The following PINX1 variants were observed in gnomAD, a reference collection of about 807,000 sequenced individuals.
The protein encoded by PINX1 is PIN2 (TERF1) interacting telomerase inhibitor 1.
PINX1 carries 34 observed loss-of-function variants against 25.4 expected under a neutral mutation model. The ratio of observed to expected loss-of-function variants is 1.34; its 90% CI spans 1.02 to 1.78. The LOEUF is 1.78. Among genes scored for constraint, PINX1 ranks in the 40% most tolerant of loss-of-function variants. The pLI is 0.00. For missense variants in PINX1, 592 were observed against 404.9 expected, an observed-to-expected ratio of 1.46 and a Z score of -3.97; for synonymous variants, 197 against 147.7, an observed-to-expected ratio of 1.33 and a Z score of -2.42.
chr8:10,786,850 C>G (rs77835859), intron 6 of PINX1, among the ~76,000 whole-genome samples: 352 of 152,330 alleles, frequency 2.3e-3, no homozygotes, highest in African/African-American at 8.1e-3. Context: ...GCGCCTCTCC[C>G]CAGACAGCCC....
intron 5 of PINX1, among the ~76,000 whole-genome samples, chr8:10,825,945 C>A (rs1267730026): frequency 6.6e-6 from 1 of 152,262 alleles, no homozygotes; most frequent in Non-Finnish European, 1.5e-5. Context: ...TAATCTGGGT[C>A]CCATCTCAGA....
At position 10,834,887 on chromosome 8, in the gene PINX1, ATACAT is replaced by A. The variant is rs1798353533; in HGVS notation, c.20-117_20-113del. 6.0e-6 allele frequency: 4 copies of A among 661,306 alleles called. No individual in the cohort carries two copies. In the East Asian group the frequency reaches 1.1e-4, roughly 18 times the overall value. 41.0% of individuals were successfully genotyped at this position (661,306 alleles called of 1,614,324 possible). On this transcript the variant is annotated intron_variant, in intron 1 of 6. Coordinates refer to ENST00000314787, the MANE Select transcript of PINX1 (RefSeq NM_017884.6). ...TTTATGTATGTATGTAAAATATGAC[ATACAT>A]TACAATACAGAAATTAATTCAACAC...
intron 1 of PINX1, among the ~76,000 whole-genome samples, chr8:10,838,232 C>T (rs1040403229): frequency 6.6e-6 from 1 of 152,194 alleles, no homozygotes; most frequent in African/African-American, 2.4e-5. Context: ...TTCTTAACAA[C>T]ACCAATCCTA....
intron 6 of PINX1, among the ~76,000 whole-genome samples, chr8:10,768,232 G>C (rs13279753): frequency 2.6e-5 from 4 of 152,178 alleles, no homozygotes; most frequent in Non-Finnish European, 4.4e-5. Flanking sequence ...CACTACAGGA[G>C]CCTGCAGTCT....
chr8:10,835,675 G>A (rs562150672), intron 1 of PINX1, among the ~76,000 whole-genome samples: 133 of 152,144 alleles, frequency 8.7e-4, no homozygotes, highest in Non-Finnish European at 1.3e-3. Flanking sequence ...TCTTTTTTCT[G>A]AGGCTTCATT....
chr8:10,835,334 C>G (rs1798371223), intron 1 of PINX1, among the ~76,000 whole-genome samples: 1 of 152,166 alleles, frequency 6.6e-6, no homozygotes, highest in African/African-American at 2.4e-5. Context: ...AAATCTGAGG[C>G]TTAGAGAAAG....
chr8:10,799,431 T>A (rs1802195313), intron 6 of PINX1, among the ~76,000 whole-genome samples: 1 of 152,204 alleles, frequency 6.6e-6, no homozygotes, highest in African/African-American at 2.4e-5. Context: ...TGCTCCTGTT[T>A]CCATCCTTCT....
At chr8:10,816,914 G>A (rs1041668982) in intron 6 of PINX1, among the ~76,000 whole-genome samples, 2 of 152,194 alleles carry the variant, frequency 1.3e-5, no homozygotes, top group African/African-American at 2.4e-5. Flanking sequence ...TGCTACAGAG[G>A]AGATACTGAT....
chr8:10,837,972 T>TA (rs1244267153), intron 1 of PINX1, among the ~76,000 whole-genome samples: 1 of 152,184 alleles, frequency 6.6e-6, no homozygotes, highest in Non-Finnish European at 1.5e-5. Flanking sequence ...TTATAACATA[T>TA]AAGTGAGCCT....
Position 10,810,778 on chromosome 8 carries a change from A to G in PINX1, c.471+9415T>C, listed in dbSNP as rs149697386. On this transcript the variant is annotated intron_variant, in intron 6 of 6. Coordinates refer to ENST00000314787, the MANE Select transcript of PINX1 (RefSeq NM_017884.6). ...TTAGAAGGTCACTGCCTTAGTCATT[A>G]CTTATCTTCAACATCAATTAAACAA... 2.0e-3 allele frequency among the ~76,000 whole-genome samples: 308 copies of G among 152,294 alleles called. 1 individual carries two copies. The highest frequency in any genetic ancestry group is 7.2e-3 in the African/African-American group (301 of 41,562).
chr8:10,828,772 A>G lies in PINX1; in HGVS notation c.302-2528T>C, dbSNP rs142525552. On this transcript the variant is annotated intron_variant, in intron 4 of 6. Transcript: ENST00000314787. ...CCAATCTGGCCGTCCTTTCCCGGGT[A>G]TCCCCTCCCACTTTACAAAGGAAAG... Among the ~76,000 whole-genome samples, 28 of 152,202 alleles carry G rather than the reference A, an allele frequency of 1.8e-4. No individual in the cohort carries two copies. In the East Asian group the frequency reaches 4.5e-3, roughly 24 times the overall value.
chr8:10,776,801 G>C (rs531488841), intron 6 of PINX1, among the ~76,000 whole-genome samples: 1 of 152,256 alleles, frequency 6.6e-6, no homozygotes, highest in African/African-American at 2.4e-5. Context: ...ACTACGGCTG[G>C]AGACGCTGGA....
intron 6 of PINX1, among the ~76,000 whole-genome samples, chr8:10,778,816 T>C (rs533699632): frequency 6.6e-6 from 1 of 152,230 alleles, no homozygotes; most frequent in Non-Finnish European, 1.5e-5. Flanking sequence ...AGTTCTCTTG[T>C]TAAATCTCAT....
intron 6 of PINX1, among the ~76,000 whole-genome samples, chr8:10,777,446 A>T (rs1801428860): frequency 6.6e-6 from 1 of 152,206 alleles, no homozygotes; most frequent in African/African-American, 2.4e-5. Context: ...AGAGCGAGAT[A>T]AGACCAGAGA....
At chr8:10,839,383 G>A (rs573045889) in intron 1 of PINX1, among the ~76,000 whole-genome samples, 1 of 152,328 alleles carries the variant, frequency 6.6e-6, no homozygotes, top group East Asian at 1.9e-4. Context: ...TTTAACCTCA[G>A]GAAGCTGAGG....
At chr8:10,838,244 G>A (rs1369189146) in intron 1 of PINX1, among the ~76,000 whole-genome samples, 1 of 152,070 alleles carries the variant, frequency 6.6e-6, no homozygotes, top group East Asian at 1.9e-4. Context: ...CCAATCCTAA[G>A]TATCTAATTA....
intron 6 of PINX1, among the ~76,000 whole-genome samples, chr8:10,811,098 G>T (rs554718598): frequency 6.6e-6 from 1 of 152,366 alleles, no homozygotes; most frequent in East Asian, 1.9e-4. Context: ...TTTACCATGT[G>T]CTGGGCACTT....
chr8:10,809,868 G>A (rs78754060), intron 6 of PINX1, among the ~76,000 whole-genome samples: 1 of 152,208 alleles, frequency 6.6e-6, no homozygotes, highest in South Asian at 2.1e-4. Context: ...AAAGAAATAC[G>A]TGAGGCTGGG....
At chr8:10,807,807 C>T (rs1456550816) in intron 6 of PINX1, among the ~76,000 whole-genome samples, 1 of 152,140 alleles carries the variant, frequency 6.6e-6, no homozygotes, top group African/African-American at 2.4e-5. Flanking sequence ...AGTGAGGACA[C>T]AGAGGAGCTA....
Sources: gnomAD v4.1 joint callset for allele counts (sites outside exome capture counted in the v4.1 genomes callset) on GRCh38, gnomAD v4.1.1 for gene constraint, MANE v1.5 for transcripts, NCBI Gene and HGNC (gene_info 2026-07-23, HGNC 2026-07-21) for gene names.